The following SORCS1 variants were observed in gnomAD, a reference collection of about 807,000 sequenced individuals.
SORCS1 encodes sortilin related VPS10 domain containing receptor 1.
A neutral mutation model predicts 146.1 loss-of-function variants in SORCS1; 60 were observed. The ratio of observed to expected loss-of-function variants is 0.41; its 90% CI spans 0.33 to 0.51. SORCS1 has a LOEUF of 0.51. SORCS1 is among the 20% of genes least tolerant of loss of function. The probability of loss-of-function intolerance (pLI) is 0.21; values close to 1 mark genes in which losing one functional copy is unlikely to be tolerated. For missense variants in SORCS1, 1,352 were observed against 1,487.6 expected (o/e 0.91, Z 1.50); for synonymous variants, 637 against 584.0 (o/e 1.09, Z -1.31).
intron 1 of SORCS1, among the ~76,000 whole-genome samples, chr10:106,990,177 T>C (rs757406624): frequency 6.6e-5 from 10 of 152,336 alleles, no homozygotes; most frequent in Non-Finnish European, 1.3e-4. Flanking sequence ...GTTACTCTCC[T>C]AACATATCTC....
intron 1 of SORCS1, among the ~76,000 whole-genome samples, chr10:107,051,136 C>T (rs753376732): frequency 6.6e-6 from 1 of 152,018 alleles, no homozygotes; most frequent in Non-Finnish European, 1.5e-5. Flanking sequence ...ATATTGTTCT[C>T]AAGGAGCTTA....
intron 9 of SORCS1, among the ~76,000 whole-genome samples, chr10:106,696,378 T>C (rs1484839037): frequency 2.6e-5 from 4 of 152,230 alleles, no homozygotes; most frequent in Non-Finnish European, 4.4e-5. Context: ...ACAATCAGAT[T>C]TAAGGGAACA....
intron 1 of SORCS1, among the ~76,000 whole-genome samples, chr10:107,135,717 A>C (rs1967241910): frequency 6.6e-6 from 1 of 152,252 alleles, no homozygotes; most frequent in Non-Finnish European, 1.5e-5. Flanking sequence ...TTGTAGAAGA[A>C]AGAGAATATT....
intron 6 of SORCS1, among the ~76,000 whole-genome samples, chr10:106,721,620 A>T (rs1486015191): frequency 1.3e-5 from 2 of 152,240 alleles, no homozygotes; most frequent in African/African-American, 4.8e-5. Context: ...GGGCTTGCAA[A>T]CACAGGCATT....
chr10:107,173,831 T>C, the SORCS1 span, among the ~76,000 whole-genome samples: 1 of 152,214 alleles, frequency 6.6e-6, no homozygotes, highest in South Asian at 2.1e-4. Flanking sequence ...CATGGCACAT[T>C]TATTGAAGTC....
At chr10:106,867,562 C>T (rs150759470) in intron 2 of SORCS1, among the ~76,000 whole-genome samples, 3,497 of 152,158 alleles carry the variant, frequency 0.023, 115 homozygotes, top group African/African-American at 0.076. Flanking sequence ...GGATTACAGG[C>T]GTGAGCCACC....
Position 106,960,645 on chromosome 10 carries a change from C to G in SORCS1, c.559-4065G>C, listed in dbSNP as rs1955180837. Among the ~76,000 whole-genome samples the G allele has an allele frequency of 6.6e-6, 1 of 152,178 alleles. No individual in the cohort carries two copies. Among genetic ancestry groups the G allele is most frequent in the East Asian group, 1.9e-4 (1 of 5,176 alleles). ...CTCGATCTCTTGACCTCGTGATCCA[C>G]CTGACTCAGCCTCCCAAAGTGCTGG... On this transcript the variant is annotated intron_variant, in intron 1 of 25. Coordinates refer to ENST00000263054, the MANE Select transcript of SORCS1 (RefSeq NM_052918.5). The surrounding 1 kb of genome is among the most constrained non-coding windows in gnomAD (Gnocchi z 4.4).
intron 1 of SORCS1, among the ~76,000 whole-genome samples, chr10:107,021,513 C>CAAAAAAA (rs869141427): frequency 2.8e-4 from 19 of 68,626 alleles, no homozygotes; most frequent in Non-Finnish European, 3.8e-4. Context: ...CACTCCGTCT[C>CAAAAAAA]AAAAAAAAAA....
intron 1 of SORCS1, among the ~76,000 whole-genome samples, chr10:107,075,332 A>G (rs566581045): frequency 1.3e-5 from 2 of 152,286 alleles, no homozygotes; most frequent in South Asian, 4.1e-4. Flanking sequence ...CAACTTTTGT[A>G]TGATGAAACG....
chr10:106,624,550 AG>A (rs1014413059), intron 19 of SORCS1, among the ~76,000 whole-genome samples: 4 of 151,076 alleles, frequency 2.6e-5, no homozygotes, highest in Non-Finnish European at 5.9e-5. Flanking sequence ...TAGTAGAGAC[AG>A]GGTTTCACCA....
intron 22 of SORCS1, among the ~76,000 whole-genome samples, chr10:106,607,794 C>A (rs1846709967): frequency 6.6e-6 from 1 of 152,130 alleles, no homozygotes; most frequent in Non-Finnish European, 1.5e-5. Context: ...CCTTCGTCAG[C>A]CCACTGGAGT....
chr10:106,682,307 G>A (rs1301815018), intron 10 of SORCS1, among the ~76,000 whole-genome samples: 1 of 152,174 alleles, frequency 6.6e-6, no homozygotes, highest in East Asian at 1.9e-4. Context: ...CTCAGTAACA[G>A]CAACATTAGA....
chr10:106,732,722 A>AT lies in SORCS1; in HGVS notation c.960-2609dup, dbSNP rs756398254. The stretch of plus-strand genomic sequence containing the variant: ...ATTCAGTGTAGCTTTCCATGTGCGT[A>AT]TAGTCTCAAATAAATAATAGCAGTA... On this transcript the variant is annotated intron_variant, in intron 5 of 25. Coordinates refer to ENST00000263054, the MANE Select transcript of SORCS1 (RefSeq NM_052918.5). Among the ~76,000 whole-genome samples, 39 of 152,312 alleles carry AT rather than the reference A, an allele frequency of 2.6e-4. 2 individuals carry two copies. Among genetic ancestry groups the AT allele is most frequent in the East Asian group, 1.5e-3 (8 of 5,180 alleles).
At chr10:107,063,748 G>A (rs532085379) in intron 1 of SORCS1, among the ~76,000 whole-genome samples, 1 of 152,302 alleles carries the variant, frequency 6.6e-6, no homozygotes, top group Admixed American at 6.5e-5. Context: ...ACATGTGGAT[G>A]CAGATGGTAA....
intron 1 of SORCS1, among the ~76,000 whole-genome samples, chr10:107,045,436 C>T (rs1368236675): frequency 3.3e-5 from 5 of 152,168 alleles, no homozygotes; most frequent in African/African-American, 4.8e-5. Context: ...AATGTTCCTA[C>T]TGTACAACTG....
intron 1 of SORCS1, among the ~76,000 whole-genome samples, chr10:107,000,562 G>A (rs922471026): frequency 4.6e-5 from 7 of 150,804 alleles, no homozygotes; most frequent in African/African-American, 1.2e-4. Flanking sequence ...AGCTGAGATC[G>A]TGCCAATGCA....
At chr10:106,742,541 G>A (rs534691992) in intron 5 of SORCS1, among the ~76,000 whole-genome samples, 7 of 152,042 alleles carry the variant, frequency 4.6e-5, no homozygotes, top group South Asian at 2.1e-4. Context: ...CACCACACCC[G>A]GCTAATTTTT....
At chr10:107,008,983 G>A (rs962385191) in intron 1 of SORCS1, among the ~76,000 whole-genome samples, 7 of 152,222 alleles carry the variant, frequency 4.6e-5, no homozygotes, top group Non-Finnish European at 8.8e-5. Context: ...GTGACAGAGC[G>A]AGACTCCGTC....
intron 2 of SORCS1, among the ~76,000 whole-genome samples, chr10:106,898,746 T>C (rs1951585009): frequency 6.6e-6 from 1 of 152,188 alleles, no homozygotes. Flanking sequence ...TTCCTTATTT[T>C]TTCCCAAAGA....
Sources: allele counts gnomAD v4.1 joint callset (sites outside exome capture counted in the v4.1 genomes callset), GRCh38; gene constraint gnomAD v4.1.1; non-coding constraint Gnocchi (gnomAD v3.1); transcripts MANE v1.5; gene names NCBI Gene and HGNC (gene_info 2026-07-23, HGNC 2026-07-21).